Variants in UNC13C observed in about 807,000 individuals in gnomAD.
The protein encoded by UNC13C is unc-13 homolog C.
Under a neutral mutation model 245.4 loss-of-function variants are expected in UNC13C, and 174 were observed. The observed-to-expected ratio is 0.71, with a 90% CI of 0.63 to 0.80. UNC13C has a LOEUF of 0.80. Among genes scored for constraint, UNC13C ranks in the 30% least tolerant of loss-of-function variants. The probability of loss-of-function intolerance (pLI) is 0.00; values close to 1 mark genes in which losing one functional copy is unlikely to be tolerated. For synonymous variants in UNC13C, 992 were observed against 895.1 expected (o/e 1.11, Z -1.93); for missense variants, 2,829 against 2,602.9 (o/e 1.09, Z -1.89).
At chr15:53,855,554 A>G in the UNC13C span, among the ~76,000 whole-genome samples, 2 of 152,158 alleles carry the variant, frequency 1.3e-5, no homozygotes, top group Non-Finnish European at 2.9e-5. Context: ...TGAGATTATC[A>G]TATGGTTTTT....
At chr15:54,210,263 C>G (rs189856293) in intron 4 of UNC13C, among the ~76,000 whole-genome samples, 170 of 148,532 alleles carry the variant, frequency 1.1e-3, no homozygotes, top group African/African-American at 4.0e-3. Flanking sequence ...TATGGTCTAA[C>G]AAAACCAGTG....
chr15:54,303,659 T>G (rs2037648352), intron 13 of UNC13C, among the ~76,000 whole-genome samples: 1 of 151,732 alleles, frequency 6.6e-6, no homozygotes, highest in African/African-American at 2.4e-5. Flanking sequence ...TTTAGAAAGC[T>G]TATTTTGCCA....
the UNC13C span, among the ~76,000 whole-genome samples, chr15:53,855,809 A>G: frequency 6.6e-6 from 1 of 152,152 alleles, no homozygotes; most frequent in African/African-American, 2.4e-5. Context: ...GCCTCATAGA[A>G]TGAGTTAGAG....
At chr15:54,380,442 C>T (rs1204600315) in intron 17 of UNC13C, among the ~76,000 whole-genome samples, 2 of 152,064 alleles carry the variant, frequency 1.3e-5, no homozygotes, top group East Asian at 3.9e-4. Context: ...ATGGGAGTGT[C>T]ACTATCTCTT....
chr15:54,062,201 C>T (rs1046764601), intron 2 of UNC13C, among the ~76,000 whole-genome samples: 1 of 151,944 alleles, frequency 6.6e-6, no homozygotes, highest in African/African-American at 2.4e-5. Context: ...CACCTGTAAT[C>T]CCAGCTACTC....
At position 54,626,943 on chromosome 15, in the gene UNC13C, A is replaced by C. The variant is rs201847330; in HGVS notation, c.6475A>C (p.Ile2159Leu). ...AATGACAGTCATTCAGCTACAGAAC[A>C]TAGCAGAAAAGGGAAGCTATGGGGC... ...IGMTVIQLQN[I>L]AEKGSYGAWY... The change falls in exon 33 of 33, where the codon ATA becomes CTA. Residue 2159 changes from isoleucine to leucine, a missense_variant. By Grantham distance (5) the Ile-to-Leu change is conservative. Transcript: ENST00000260323. 64 of 1,613,414 alleles carry C rather than the reference A, an allele frequency of 4.0e-5. No individual in the cohort carries two copies. Among genetic ancestry groups the C allele is most frequent in the Non-Finnish European group, 5.4e-5 (64 of 1,179,652 alleles).
the UNC13C span, among the ~76,000 whole-genome samples, chr15:53,897,248 C>T: frequency 2.0e-5 from 3 of 152,160 alleles, no homozygotes; most frequent in African/African-American, 7.2e-5. Context: ...GACAATCAAG[C>T]TCATTGAATA....
chr15:54,605,266 C>A (rs907517862), intron 30 of UNC13C, among the ~76,000 whole-genome samples: 1 of 152,156 alleles, frequency 6.6e-6, no homozygotes, highest in African/African-American at 2.4e-5. Context: ...CTAAGAGGGG[C>A]CACAGTGCCA....
chr15:54,078,160 G>A (rs1163401720), intron 2 of UNC13C, among the ~76,000 whole-genome samples: 1 of 152,186 alleles, frequency 6.6e-6, no homozygotes, highest in Non-Finnish European at 1.5e-5. Context: ...TGAAGCTGGA[G>A]GCTATACATG....
At chr15:53,844,687 A>C in the UNC13C span, among the ~76,000 whole-genome samples, 2 of 152,086 alleles carry the variant, frequency 1.3e-5, no homozygotes, top group Non-Finnish European at 2.9e-5. Flanking sequence ...TACAATTGCA[A>C]GTTTTCTCAA....
intron 7 of UNC13C, among the ~76,000 whole-genome samples, chr15:54,249,195 C>G (rs1025649600): frequency 1.3e-5 from 2 of 150,590 alleles, no homozygotes; most frequent in African/African-American, 4.9e-5. Context: ...TTAACCAATT[C>G]TCTTTTCTAT....
intron 19 of UNC13C, among the ~76,000 whole-genome samples, chr15:54,467,011 C>A (rs1892207623): frequency 6.6e-6 from 1 of 151,826 alleles, no homozygotes; most frequent in East Asian, 1.9e-4. Context: ...AGTTCCAAAC[C>A]TGACTGTGCA....
At chr15:53,989,569 C>T (rs922414) in intron 1 of UNC13C, among the ~76,000 whole-genome samples, 63,608 of 151,742 alleles carry the variant, frequency 0.42, 13,630 homozygotes, top group Middle Eastern at 0.55. Flanking sequence ...TATTATGCCA[C>T]GTAAAACATG....
intron 30 of UNC13C, among the ~76,000 whole-genome samples, chr15:54,594,064 T>G: frequency 6.6e-6 from 1 of 152,354 alleles, no homozygotes; most frequent in East Asian, 1.9e-4. Flanking sequence ...TGTGGCTTCC[T>G]GTGAGCCATA....
intron 2 of UNC13C, among the ~76,000 whole-genome samples, chr15:54,069,301 T>A (rs1011411703): frequency 6.6e-6 from 1 of 152,212 alleles, no homozygotes; most frequent in East Asian, 1.9e-4. Flanking sequence ...AAAGGTTCTA[T>A]GATACCAGTC....
At chr15:54,198,822 T>C (rs1421673516) in intron 4 of UNC13C, among the ~76,000 whole-genome samples, 2 of 151,958 alleles carry the variant, frequency 1.3e-5, no homozygotes, top group Non-Finnish European at 2.9e-5. Flanking sequence ...CCCCAAAAGA[T>C]CATAAGCAGT....
At chr15:53,906,964 C>T in the UNC13C span, among the ~76,000 whole-genome samples, 7 of 149,222 alleles carry the variant, frequency 4.7e-5, no homozygotes, top group African/African-American at 1.7e-4. Flanking sequence ...CATGGGGGAA[C>T]CACCCTCATA....
intron 4 of UNC13C, among the ~76,000 whole-genome samples, chr15:54,143,957 CA>C (rs2032142177): frequency 6.6e-6 from 1 of 151,988 alleles, no homozygotes; most frequent in African/African-American, 2.4e-5. Flanking sequence ...ATTACATACC[CA>C]AATAGAATCA....
chr15:53,924,037 T>C, the UNC13C span, among the ~76,000 whole-genome samples: 1 of 152,092 alleles, frequency 6.6e-6, no homozygotes, highest in East Asian at 1.9e-4. Context: ...ACCCCATCTC[T>C]ACTAAAAACA....
Sources: allele counts gnomAD v4.1 joint callset (sites outside exome capture counted in the v4.1 genomes callset), GRCh38; gene constraint gnomAD v4.1.1; transcripts MANE v1.5; gene names NCBI Gene and HGNC (gene_info 2026-07-23, HGNC 2026-07-21).